Variants in RNF126 observed in about 807,000 individuals in gnomAD.
RNF126 encodes the protein ring finger protein 126.
Under a neutral mutation model 41.9 loss-of-function variants are expected in RNF126, and 20 were observed. That is an observed-to-expected ratio of 0.48 (90% CI 0.34 to 0.69). The LOEUF is 0.69. RNF126 is among the 30% of genes least tolerant of loss of function. The pLI is 0.01. For missense variants in RNF126, 433 were observed against 460.6 expected, an observed-to-expected ratio of 0.94 and a Z score of 0.55; for synonymous variants, 239 against 202.9, an observed-to-expected ratio of 1.18 and a Z score of -1.51.
intron 1 of RNF126, 118 bp from the exon 2 acceptor site, chr19:653,002 A>C (rs1386264027): frequency 1.0e-6 from 1 of 960,630 alleles, no homozygotes; most frequent in South Asian, 1.4e-5. Flanking sequence ...AGGCACACGC[A>C]GGCCAGGGTG....
At chr19:649,811 C>G in intron 5 of RNF126, 63 bp from the exon 6 acceptor site, 1 of 1,342,820 alleles carries the variant, frequency 7.4e-7, no homozygotes, top group Non-Finnish European at 1.0e-6. Context: ...GTCTATCCAC[C>G]CCACTCACCA....
rs766292108 is a variant in RNF126 at position 652,240 on chromosome 19, G to A, written c.191C>T (p.Pro64Leu). 2.9e-5 allele frequency: 44 copies of A among 1,534,240 alleles called. No individual in the cohort carries two copies. Among genetic ancestry groups the A allele is most frequent in the Non-Finnish European group, 3.5e-5 (40 of 1,152,274 alleles). ...GAGGGGCGGGCGACTCACCTCCAAC[G>A]GTGGCCGGCTCTGGTCTGTGGGAGC... Reference protein sequence around the residue: ...STAPTDQSRPPLEHVDQHLFT... With the variant: ...STAPTDQSRPLLEHVDQHLFT... The change falls in exon 3 of 9, where the codon CCG becomes CTG. Residue 64 changes from proline to leucine, a missense_variant. Coordinates refer to ENST00000292363, the MANE Select transcript of RNF126 (RefSeq NM_194460.3).
At chr19:660,367 G>T (rs911822024) in intron 1 of RNF126, among the ~76,000 whole-genome samples, 1 of 152,266 alleles carries the variant, frequency 6.6e-6, no homozygotes. Flanking sequence ...CGGCCCAGCT[G>T]CCTGGGAGAA....
In RNF126 at chr19:663,146, G is replaced by GC; in HGVS notation, c.-26dup. ...TGGCCGCCGCCACCTACTCCGCGCC[G>GC]CCCGCCCCCCGCGCGGCACCCGCCG... On this transcript the variant is annotated 5_prime_UTR_variant, in exon 1 of 9. Coordinates refer to ENST00000292363, the MANE Select transcript of RNF126 (RefSeq NM_194460.3). The GC allele has an allele frequency of 1.7e-6, 2 of 1,156,730 alleles. No homozygotes were observed. Among genetic ancestry groups the GC allele is most frequent in the Non-Finnish European group, 2.1e-6 (2 of 930,898 alleles). 71.7% of individuals were successfully genotyped at this position (1,156,730 alleles called of 1,614,324 possible).
At chr19:657,251 G>A (rs898981667) in intron 1 of RNF126, among the ~76,000 whole-genome samples, 1 of 152,230 alleles carries the variant, frequency 6.6e-6, no homozygotes, top group African/African-American at 2.4e-5. Flanking sequence ...ACACGCCCAC[G>A]TGGCCTGGCA....
chr19:660,120 C>A (rs1167193160), intron 1 of RNF126, among the ~76,000 whole-genome samples: 1 of 152,240 alleles, frequency 6.6e-6, no homozygotes, highest in Admixed American at 6.5e-5. Flanking sequence ...TCGCCTGAGC[C>A]CCCGACCGCA....
At chr19:648,531 T>C (rs1369211264) in intron 7 of RNF126, 44 bp from the exon 8 acceptor site, 2 of 1,465,040 alleles carry the variant, frequency 1.4e-6, no homozygotes, top group East Asian at 2.5e-5. Flanking sequence ...GTGGGGGGCC[T>C]GCCGAGCCTT....
Position 663,126 on chromosome 19 carries a change from G to A in RNF126, c.-5C>T, listed in dbSNP as rs1302061690. The A allele has an allele frequency of 8.7e-6, 11 of 1,271,444 alleles. No individual in the cohort carries two copies. The highest frequency in any genetic ancestry group is 3.6e-5 in the Admixed American group (1 of 27,550). 78.8% of individuals were successfully genotyped at this position (1,271,444 alleles called of 1,614,324 possible). ...ATGCGGCGACGCCTCGGCCATGGCC[G>A]CCGCCACCTACTCCGCGCCGCCCGC... On this transcript the variant is annotated 5_prime_UTR_variant, in exon 1 of 9. Transcript: ENST00000292363.
At chr19:658,611 C>A (rs1280079411) in intron 1 of RNF126, among the ~76,000 whole-genome samples, 2 of 152,198 alleles carry the variant, frequency 1.3e-5, no homozygotes, top group Non-Finnish European at 2.9e-5. Flanking sequence ...TTCTTCCCGC[C>A]CTCAGCAGCT....
At chr19:648,745 G>A (rs1418595230) in intron 7 of RNF126, 137 bp downstream of exon 7, 1 of 657,068 alleles carries the variant, frequency 1.5e-6, no homozygotes, top group African/African-American at 1.8e-5. Context: ...GAGGCAGGAG[G>A]ATCACCTGAG....
At chr19:663,005 C>A (rs2030876918) in intron 1 of RNF126, 42 bp downstream of exon 1, 5 of 1,136,318 alleles carry the variant, frequency 4.4e-6, no homozygotes, top group Non-Finnish European at 4.6e-6. Flanking sequence ...CTCAGGCCTG[C>A]GGCGCAGACC....
chr19:651,764 G>A lies in RNF126; in HGVS notation c.290C>T (p.Pro97Leu). The change falls in exon 4 of 9, where the codon CCT (proline) becomes CTT (leucine). Residue 97 changes from proline (P) to leucine (L), a missense_variant. Physicochemically the swap from Pro to Leu is moderately conservative, Grantham distance 98. Around this residue, in one of 5 missense-constraint regions of RNF126, gnomAD observed 247 missense variants for 224.7 expected, o/e 1.10. Coordinates refer to ENST00000292363, the MANE Select transcript of RNF126 (RefSeq NM_194460.3). ...GCCGTCGTCAGCCTGCGCCCCAGGA[G>A]GGAACGTGGGGATCTCGAAGCTGTC... ...FDDSFEIPTF[P>L]PGAQADDGRD... 1 of 1,612,748 alleles carries A rather than the reference G, an allele frequency of 6.2e-7. No individual in the cohort carries two copies. The highest frequency in any genetic ancestry group is 8.5e-7 in the Non-Finnish European group (1 of 1,179,838).
intron 1 of RNF126, 70 bp from the exon 2 acceptor site, chr19:652,954 G>A (rs2030393949): frequency 2.1e-6 from 3 of 1,415,176 alleles, no homozygotes; most frequent in South Asian, 2.4e-5. Flanking sequence ...CAAGTGTGAG[G>A]ACAGAGGGGC....
chr19:658,935 G>T (rs1250714702), intron 1 of RNF126, among the ~76,000 whole-genome samples: 1 of 152,204 alleles, frequency 6.6e-6, no homozygotes, highest in Non-Finnish European at 1.5e-5. Flanking sequence ...AGGAAATTCA[G>T]CACCGGCATC....
Position 663,057 on chromosome 19 carries a change from G to C in RNF126, c.65C>G (p.Pro22Arg). 7.3e-7 allele frequency: 1 copy of C among 1,376,908 alleles called. No homozygotes were observed. Among genetic ancestry groups the C allele is most frequent in the Non-Finnish European group, 9.4e-7 (1 of 1,060,276 alleles). The allele number at this position is 1,376,908 out of a possible 1,614,324, so 85.3% of individuals were successfully genotyped here. Residue 22 changes from proline (P) to arginine (R), a missense_variant, in exon 1 of 9, where the codon CCG (proline) becomes CGG (arginine). Pro to Arg is a moderately radical substitution (Grantham distance 103). This residue lies in a region of RNF126 where 247 missense variants were observed against 224.7 expected (regional missense o/e 1.10). Transcript: ENST00000292363. ...CGGCCCGGGCCTCACCGGCAGGCGC[G>C]GGACGATCTCCACGGAGCAGCAGTG... is the stretch of plus-strand genomic sequence containing the variant. ...FCHCCSVEIV[P>R]RLPDYICPRC...
intron 1 of RNF126, among the ~76,000 whole-genome samples, chr19:661,896 G>A (rs913391570): frequency 6.6e-6 from 1 of 152,146 alleles, no homozygotes; most frequent in Non-Finnish European, 1.5e-5. Context: ...AGCGGCTCCC[G>A]ACTGAGCCGG....
In RNF126 at chr19:652,393, T is replaced by C. The variant is rs527890928; in HGVS notation, c.135-97A>G. 3.7e-5 allele frequency: 42 copies of C among 1,139,052 alleles called. No individual in the cohort carries two copies. The East Asian group carries it at 8.8e-4, about 24-fold the overall frequency. The allele number at this position is 1,139,052 out of a possible 1,614,324, so 70.6% of individuals were successfully genotyped here. A position where few individuals can be genotyped will look rare whatever the true frequency, so the allele number is the denominator to read the frequency against. On this transcript the variant is annotated intron_variant, in intron 2 of 8. Transcript: ENST00000292363. ...AAAGCCTATGTTGGGAGAGCAGGAATTGTCCTTGGCACTGCTTCCCACCCG... is the reference window on the plus strand; with the variant it reads ...AAAGCCTATGTTGGGAGAGCAGGAACTGTCCTTGGCACTGCTTCCCACCCG...
rs755780823 is a variant in RNF126 at position 651,711 on chromosome 19, C to T, written c.343G>A (p.Asp115Asn). 2 of 1,608,788 alleles carry T rather than the reference C, an allele frequency of 1.2e-6. No homozygotes were observed. The highest frequency in any genetic ancestry group is 1.7e-6 in the Non-Finnish European group (2 of 1,178,190). ...CCGTACCGGTGCCGGGACGGATGGTCTCTCTCCCGCCGGCTCTCAGGGTCC... is the reference window on the plus strand; with the variant it reads ...CCGTACCGGTGCCGGGACGGATGGTTTCTCTCCCGCCGGCTCTCAGGGTCC... ...GRDPESRRER[D>N]HPSRHRYGAR... The change falls in exon 4 of 9, where the codon GAC becomes AAC. Residue 115 changes from aspartate (D) to asparagine (N), a missense_variant. Physicochemically the swap from Asp to Asn is conservative, Grantham distance 23. This residue lies in a region of RNF126 where 247 missense variants were observed against 224.7 expected (regional missense o/e 1.10). Coordinates refer to ENST00000292363, the MANE Select transcript of RNF126 (RefSeq NM_194460.3).
rs749307687 is a variant in RNF126 at position 648,177 on chromosome 19, G to A, written c.887C>T (p.Ser296Leu). 14 of 1,606,418 alleles carry A rather than the reference G, an allele frequency of 8.7e-6. No homozygotes were observed. The highest frequency in any genetic ancestry group is 2.2e-5 in the East Asian group (1 of 44,666). The change falls in exon 9 of 9, where the codon TCG becomes TTG. Residue 296 changes from serine (S) to leucine (L), a missense_variant. Around this residue, in one of 5 missense-constraint regions of RNF126, gnomAD observed 63 missense variants for 47.9 expected, o/e 1.32. Coordinates refer to ENST00000292363, the MANE Select transcript of RNF126 (RefSeq NM_194460.3). Reference protein sequence around the residue: ...TGVSFSSSSSSSSSSSPSNEN... With the variant: ...TGVSFSSSSSLSSSSSPSNEN... ...GTTGCTGGGCGAGCTGGAGGAGGAC[G>A]ATGACGACGAGGAGGAGAAGCTCAC...
Sources: gnomAD v4.1 joint callset for allele counts (sites outside exome capture counted in the v4.1 genomes callset) on GRCh38, gnomAD v4.1.1 for gene constraint, gnomAD v4.1.1 regional missense constraint, MANE v1.5 for transcripts, NCBI Gene and HGNC (gene_info 2026-07-23, HGNC 2026-07-21) for gene names.